Variants in DNAH9 observed in about 807,000 individuals in gnomAD.
DNAH9 encodes the protein dynein axonemal heavy chain 9.
DNAH9 carries 345 observed loss-of-function variants against 471.6 expected under a neutral mutation model. The ratio of observed to expected loss-of-function variants is 0.73; its 90% CI spans 0.67 to 0.80. The LOEUF (loss-of-function observed/expected upper bound fraction) is 0.80. Ranked by LOEUF, DNAH9 falls within the 30% of genes least tolerant of loss-of-function variation. The pLI is 0.00. For synonymous variants in DNAH9, 2,093 were observed against 2,123.6 expected (o/e 0.99, Z 0.40); for missense variants, 5,407 against 5,609.2 (o/e 0.96, Z 1.15).
Position 11,754,159 on chromosome 17 carries a change from C to T in DNAH9, c.6738+1199C>T, listed in dbSNP as rs1257516087. Reference sequence around the variant, plus strand: ...AAAAAAAAAAAACAAAACATGATCTCATTATTTTTATGGCTGCATAGTATT... The same window carrying T: ...AAAAAAAAAAAACAAAACATGATCTTATTATTTTTATGGCTGCATAGTATT... On this transcript the variant is annotated intron_variant, in intron 33 of 68. Coordinates refer to ENST00000262442, the MANE Select transcript of DNAH9 (RefSeq NM_001372.4). 5.4e-4 allele frequency among the ~76,000 whole-genome samples: 82 copies of T among 151,566 alleles called. 1 individual carries two copies. Among genetic ancestry groups the T allele is most frequent in the Admixed American group, 5.4e-3 (82 of 15,210 alleles).
chr17:11,630,743 G>A (rs76323957), intron 7 of DNAH9, among the ~76,000 whole-genome samples: 28,729 of 152,060 alleles, frequency 0.19, 3,546 homozygotes, highest in Non-Finnish European at 0.27. Flanking sequence ...ACTGTATTGC[G>A]TACTTGAAAT....
intron 41 of DNAH9, among the ~76,000 whole-genome samples, chr17:11,786,838 C>T (rs550331853): frequency 6.6e-6 from 1 of 152,274 alleles, no homozygotes; most frequent in Non-Finnish European, 1.5e-5. Flanking sequence ...TGTTTCTCTG[C>T]CTGATTCAGT....
intron 32 of DNAH9, among the ~76,000 whole-genome samples, chr17:11,751,277 C>A (rs1967139992): frequency 6.6e-6 from 1 of 151,666 alleles, no homozygotes; most frequent in Non-Finnish European, 1.5e-5. Flanking sequence ...TCTTACAGAG[C>A]AAGAATAATA....
Position 11,886,812 on chromosome 17 carries a change from AT to A in DNAH9, c.10972-8del, listed in dbSNP as rs1463792396. 1 of 1,602,740 alleles carries A rather than the reference AT, an allele frequency of 6.2e-7. No homozygotes were observed. Among genetic ancestry groups the A allele is most frequent in the South Asian group, 1.1e-5 (1 of 89,014 alleles). ...TGGTTGGAACAGTGGGCTGCTGTTTATTTTTCCAACAGGTCCAGGAGGCCAA... is the reference window on the plus strand; with the variant it reads ...TGGTTGGAACAGTGGGCTGCTGTTTATTTTCCAACAGGTCCAGGAGGCCAA... On this transcript the variant is annotated splice_polypyrimidine_tract_variant and intron_variant, in intron 56 of 68. Transcript: ENST00000262442.
rs765077631 is a variant in DNAH9 at position 11,934,034 on chromosome 17, C to T, written c.12452C>T (p.Pro4151Leu). The stretch of plus-strand genomic sequence containing the variant: ...GAACTGTCTTTGGCCCCAGGGTTCC[C>T]ACTCCCAGGCAACATGGACTACAAT... The part of the protein sequence containing the change: ...EGELSLAPGF[P>L]LPGNMDYNGY... The change falls in exon 65 of 69, where the codon CCA becomes CTA. Residue 4151 changes from proline (P) to leucine (L), a missense_variant. By Grantham distance (98) the Pro-to-Leu change is moderately conservative. This residue lies in a region of DNAH9 where 4,636 missense variants were observed against 4,900.3 expected (regional missense o/e 0.95). Coordinates refer to ENST00000262442, the MANE Select transcript of DNAH9 (RefSeq NM_001372.4). 1.9e-6 allele frequency: 3 copies of T among 1,614,106 alleles called. No individual in the cohort carries two copies. The Admixed American group carries it at 5.0e-5, about 27-fold the overall frequency.
In DNAH9 at chr17:11,813,322, C is replaced by G. The variant is rs555541829; in HGVS notation, c.8707+2953C>G. Among the ~76,000 whole-genome samples the G allele has an allele frequency of 8.5e-4, 129 of 152,158 alleles. 1 individual carries two copies. In the South Asian group the frequency reaches 0.024, roughly 28 times the overall value. On this transcript the variant is annotated intron_variant, in intron 45 of 68. Transcript: ENST00000262442. ...ACACTTTTGTCTTCTAACCCACCCC[C>G]TTTTTTTCTTAACCATTTCAACAGG...
intron 22 of DNAH9, among the ~76,000 whole-genome samples, 186 bp downstream of exon 22, chr17:11,694,633 G>GCT (rs58274686): frequency 0.037 from 263 of 7,066 alleles, 54 homozygotes; most frequent in African/African-American, 0.055. Flanking sequence ...TTGCTTTCTT[G>GCT]CTTTCTTGCT....
At chr17:11,871,885 A>T (rs184580460) in intron 52 of DNAH9, 99 bp downstream of exon 52, 1 of 1,250,200 alleles carries the variant, frequency 8.0e-7, no homozygotes, top group East Asian at 2.3e-5. Context: ...CCTCCTGCAC[A>T]CTCATCCCCA....
intron 48 of DNAH9, among the ~76,000 whole-genome samples, chr17:11,825,878 C>T (rs1970471360): frequency 6.6e-6 from 1 of 152,160 alleles, no homozygotes; most frequent in East Asian, 1.9e-4. Flanking sequence ...AGGAAATAGG[C>T]AGGCAATTCC....
At chr17:11,946,032 C>G (rs910493638) in intron 67 of DNAH9, among the ~76,000 whole-genome samples, 1 of 151,732 alleles carries the variant, frequency 6.6e-6, no homozygotes, top group Non-Finnish European at 1.5e-5. Flanking sequence ...AACCTCATCT[C>G]TACTAAAAAA....
At chr17:11,636,965 G>A (rs1015922701) in intron 9 of DNAH9, among the ~76,000 whole-genome samples, 181 bp downstream of exon 9, 3 of 152,196 alleles carry the variant, frequency 2.0e-5, no homozygotes, top group Admixed American at 2.0e-4. Flanking sequence ...TCTGAACTAC[G>A]GCTTTCCCTG....
Position 11,755,064 on chromosome 17 carries a change from C to T in DNAH9, c.6739-1504C>T, listed in dbSNP as rs906315337. On this transcript the variant is annotated intron_variant, in intron 33 of 68. Coordinates refer to ENST00000262442, the MANE Select transcript of DNAH9 (RefSeq NM_001372.4). ...ACATATGGCTAGCCAGTTATCCCAG[C>T]ACCATGTGTTAAATAGGCTTCCCCA... 7.0e-4 allele frequency among the ~76,000 whole-genome samples: 107 copies of T among 152,296 alleles called. 1 individual carries two copies. Among genetic ancestry groups the T allele is most frequent in the African/African-American group, 2.4e-3 (100 of 41,548 alleles).
At chr17:11,874,790 C>G in intron 52 of DNAH9, 159 bp from the exon 53 acceptor site, 1 of 607,046 alleles carries the variant, frequency 1.6e-6, no homozygotes, top group Non-Finnish European at 2.9e-6. Context: ...TTAATAGAAC[C>G]TGCTTCCAGA....
intron 40 of DNAH9, 38 bp downstream of exon 40, chr17:11,783,786 T>C (rs752856661): frequency 6.5e-7 from 1 of 1,539,436 alleles, no homozygotes; most frequent in Admixed American, 1.7e-5. Flanking sequence ...CCTAATCCTA[T>C]CTTACTAGAG....
At chr17:11,830,432 C>A (rs1237142394) in intron 48 of DNAH9, among the ~76,000 whole-genome samples, 1 of 152,210 alleles carries the variant, frequency 6.6e-6, no homozygotes, top group Non-Finnish European at 1.5e-5. Context: ...AACTTAAATT[C>A]AGTTTATCTT....
chr17:11,861,881 T>C (rs1475882383), intron 50 of DNAH9, among the ~76,000 whole-genome samples: 4 of 151,208 alleles, frequency 2.6e-5, no homozygotes. Context: ...TGTTTTTTTC[T>C]TGTAAATTTG....
chr17:11,654,280 C>T (rs534853542), intron 14 of DNAH9, among the ~76,000 whole-genome samples: 1 of 62,682 alleles, frequency 1.6e-5, no homozygotes, highest in East Asian at 3.5e-4. Context: ...GGCGTGAACC[C>T]GGGAGGCGGA....
In DNAH9 at chr17:11,719,411, C is replaced by G. The variant is rs760111315; in HGVS notation, c.5630C>G (p.Thr1877Ser). Residue 1877 changes from threonine to serine, a missense_variant, in exon 27 of 69, where the codon ACC becomes AGC. Coordinates refer to ENST00000262442, the MANE Select transcript of DNAH9 (RefSeq NM_001372.4). ...APAGPAGTGKTETTKDLGRAL... is the reference protein window; with the variant it reads ...APAGPAGTGKSETTKDLGRAL... ...GCAGGACCTGCAGGCACAGGCAAGA[C>G]CGAGACCACCAAGGACCTGGGCCGC... The G allele has an allele frequency of 1.2e-6, 2 of 1,614,032 alleles. No homozygotes were observed. The highest frequency in any genetic ancestry group is 1.1e-5 in the South Asian group (1 of 91,076).
chr17:11,924,085 C>T, intron 62 of DNAH9, 144 bp downstream of exon 62: 1 of 1,246,374 alleles, frequency 8.0e-7, no homozygotes, highest in Non-Finnish European at 1.1e-6. Context: ...TTCTCTCTTT[C>T]CAGTTCTCCT....
Sources: gnomAD v4.1 joint callset for allele counts (sites outside exome capture counted in the v4.1 genomes callset) on GRCh38, gnomAD v4.1.1 for gene constraint, gnomAD v4.1.1 regional missense constraint, MANE v1.5 for transcripts, NCBI Gene and HGNC (gene_info 2026-07-23, HGNC 2026-07-21) for gene names.